The following VPS13C variants were observed in gnomAD, a reference collection of about 807,000 sequenced individuals.
VPS13C encodes the protein vacuolar protein sorting 13 homolog C.
A neutral mutation model predicts 456.8 loss-of-function variants in VPS13C; 358 were observed. That is an observed-to-expected ratio of 0.78 (90% CI 0.72 to 0.86). VPS13C has a LOEUF of 0.86. Among genes scored for constraint, VPS13C ranks in the 40% least tolerant of loss-of-function variants. The probability of loss-of-function intolerance (pLI) is 0.00; values close to 1 mark genes in which losing one functional copy is unlikely to be tolerated. For missense variants in VPS13C, 4,818 were observed against 4,385.4 expected (o/e 1.10, Z -2.79); for synonymous variants, 1,578 against 1,486.7 (o/e 1.06, Z -1.41).
At chr15:61,987,182 G>T (rs1212147230) in intron 18 of VPS13C, among the ~76,000 whole-genome samples, 1 of 150,448 alleles carries the variant, frequency 6.6e-6, no homozygotes, top group African/African-American at 2.5e-5. Flanking sequence ...ATATATAAGT[G>T]GAAAAGGCCT....
chr15:62,051,535 C>T (rs17238301), intron 1 of VPS13C, among the ~76,000 whole-genome samples: 3,284 of 152,174 alleles, frequency 0.022, 57 homozygotes, highest in East Asian at 0.092. Context: ...ACTGTTCTCC[C>T]GAATAGCAGA....
chr15:61,916,706 T>C (rs898514509), intron 60 of VPS13C, among the ~76,000 whole-genome samples: 4 of 152,102 alleles, frequency 2.6e-5, no homozygotes, highest in African/African-American at 4.8e-5. Context: ...TAAAATATAC[T>C]GCCATACAGA....
chr15:61,866,506 T>G, intron 81 of VPS13C: 1 of 984,932 alleles, frequency 1.0e-6, no homozygotes, highest in South Asian at 4.7e-5. Flanking sequence ...CCAGTAAAAT[T>G]AAAAATTGTT....
At position 61,972,725 on chromosome 15, in the gene VPS13C, G is replaced by A. The variant is rs2045593059; in HGVS notation, c.2657C>T (p.Pro886Leu). Residue 886 changes from proline (P) to leucine (L), a missense_variant, in exon 27 of 85, where the codon CCA becomes CTA. Physicochemically the swap from Pro to Leu is moderately conservative, Grantham distance 98. Coordinates refer to ENST00000644861, the MANE Select transcript of VPS13C (RefSeq NM_020821.3). ...TCCTTTCATACTTTTACAAGTCTGT[G>A]GTTCTCCATCTTCAGCATCAAAATA... ...DEYFDAEDGE[P>L]QTCKSMKGSE... 3.1e-6 allele frequency: 5 copies of A among 1,612,352 alleles called. No homozygotes were observed. Among genetic ancestry groups the A allele is most frequent in the South Asian group, 2.2e-5 (2 of 90,988 alleles).
chr15:61,887,288 C>T (rs1233497003), intron 67 of VPS13C, among the ~76,000 whole-genome samples: 2 of 152,142 alleles, frequency 1.3e-5, no homozygotes, highest in African/African-American at 4.8e-5. Context: ...ATACCATTTA[C>T]ATTAGCACCA....
At chr15:61,897,311 G>A (rs188150648) in intron 66 of VPS13C, among the ~76,000 whole-genome samples, 15 of 152,198 alleles carry the variant, frequency 9.9e-5, no homozygotes, top group Admixed American at 2.6e-4. Context: ...TCTGAGCTAC[G>A]GAAGGACATT....
At chr15:61,898,741 C>T (rs1317473374) in intron 66 of VPS13C, among the ~76,000 whole-genome samples, 1 of 111,570 alleles carries the variant, frequency 9.0e-6, no homozygotes, top group African/African-American at 3.4e-5. Context: ...CTCAGCTCTG[C>T]ACCAAGCGGA....
chr15:61,891,476 C>T (rs1207490919), intron 66 of VPS13C, among the ~76,000 whole-genome samples: 1 of 152,122 alleles, frequency 6.6e-6, no homozygotes, highest in East Asian at 1.9e-4. Flanking sequence ...TTCAAACATA[C>T]CTATTAAGAA....
intron 63 of VPS13C, 84 bp from the exon 64 acceptor site, chr15:61,910,389 T>C (rs2043270689): frequency 9.1e-7 from 1 of 1,094,620 alleles, no homozygotes; most frequent in Admixed American, 3.2e-5. Flanking sequence ...TTTTCAATTC[T>C]GATTCTGATC....
intron 14 of VPS13C, 48 bp downstream of exon 14, chr15:62,008,607 T>A: frequency 1.5e-6 from 2 of 1,347,020 alleles, no homozygotes; most frequent in Admixed American, 2.1e-5. Flanking sequence ...AGTAACTAAA[T>A]ATATGATTAT....
At chr15:61,895,705 G>A (rs534094900) in intron 66 of VPS13C, among the ~76,000 whole-genome samples, 1 of 152,276 alleles carries the variant, frequency 6.6e-6, no homozygotes, top group East Asian at 1.9e-4. Flanking sequence ...GCCAGGAACA[G>A]AAAGTTAAAT....
At chr15:61,933,918 A>G (rs939771463) in intron 49 of VPS13C, among the ~76,000 whole-genome samples, 1 of 152,060 alleles carries the variant, frequency 6.6e-6, no homozygotes, top group African/African-American at 2.4e-5. Context: ...AAAACTGTAT[A>G]TATAATTAAT....
chr15:61,872,148 T>C lies in VPS13C; in HGVS notation c.10579-114A>G, dbSNP rs1472334168. 3.8e-6 allele frequency: 3 copies of C among 795,396 alleles called. No individual in the cohort carries two copies. The East Asian group carries it at 7.7e-5, about 21-fold the overall frequency. The allele number at this position is 795,396 out of a possible 1,614,324, so 49.3% of individuals were successfully genotyped here. ...AAATAACAACAACAACAACAAAAAT[T>C]GAAGACTTAACTTGATAATGTGAAC... is the stretch of plus-strand genomic sequence containing the variant. On this transcript the variant is annotated intron_variant, in intron 78 of 84. Transcript: ENST00000644861.
intron 2 of VPS13C, among the ~76,000 whole-genome samples, 196 bp downstream of exon 2, chr15:62,044,016 T>C (rs1261857954): frequency 6.6e-6 from 1 of 152,206 alleles, no homozygotes; most frequent in Non-Finnish European, 1.5e-5. Flanking sequence ...TTCCAAGAGA[T>C]ACTATTTTGA....
In VPS13C at chr15:61,856,300, T is replaced by G. The variant is rs773192266; in HGVS notation, c.11062A>C (p.Lys3688Gln). Residue 3688 changes from lysine to glutamine, a missense_variant, in exon 83 of 85, where the codon AAA (lysine) becomes CAA (glutamine). Physicochemically the swap from Lys to Gln is moderately conservative, Grantham distance 53 (BLOSUM62 1). Coordinates refer to ENST00000644861, the MANE Select transcript of VPS13C (RefSeq NM_020821.3). ...TGTTTTCTTACCTTAACTGAAATTT[T>G]TAGCACATTTTCACTGACACTAGGA... ...FPPSVSENVL[K>Q]ISVKEQGLFH... 1 of 1,613,186 alleles carries G rather than the reference T, an allele frequency of 6.2e-7. No homozygotes were observed. Among genetic ancestry groups the G allele is most frequent in the Non-Finnish European group, 8.5e-7 (1 of 1,179,464 alleles).
chr15:62,022,728 A>G (rs946673457), intron 8 of VPS13C, among the ~76,000 whole-genome samples: 2 of 151,960 alleles, frequency 1.3e-5, no homozygotes, highest in African/African-American at 4.8e-5. Context: ...ATGCAAACTC[A>G]TTTTTAGAAG....
intron 82 of VPS13C, among the ~76,000 whole-genome samples, chr15:61,863,199 A>G (rs1399554587): frequency 1.3e-5 from 2 of 152,138 alleles, no homozygotes; most frequent in Admixed American, 6.5e-5. Context: ...TGTAACTTGG[A>G]TAAGTCCCTA....
chr15:62,052,114 T>C (rs1023966216), intron 1 of VPS13C, among the ~76,000 whole-genome samples: 1 of 152,140 alleles, frequency 6.6e-6, no homozygotes, highest in African/African-American at 2.4e-5. Flanking sequence ...AAACTGTGAT[T>C]AAACACAAAA....
intron 66 of VPS13C, among the ~76,000 whole-genome samples, chr15:61,893,506 G>C (rs1208736684): frequency 6.6e-6 from 1 of 150,886 alleles, no homozygotes; most frequent in East Asian, 1.9e-4. Context: ...TGATATGAAA[G>C]AAAACAATGT....
Sources: gnomAD v4.1 joint callset for allele counts (sites outside exome capture counted in the v4.1 genomes callset) on GRCh38, gnomAD v4.1.1 for gene constraint, MANE v1.5 for transcripts, NCBI Gene and HGNC (gene_info 2026-07-23, HGNC 2026-07-21) for gene names.